PTN: variants seen among roughly 807,000 people sequenced by gnomAD.
The protein encoded by PTN is pleiotrophin.
A neutral mutation model predicts 24.1 loss-of-function variants in PTN; 18 were observed. The ratio of observed to expected loss-of-function variants is 0.75; its 90% CI spans 0.52 to 1.11. The LOEUF (loss-of-function observed/expected upper bound fraction) is 1.11. PTN is among the 50% of genes least tolerant of loss of function. PTN has a pLI of 0.00. For synonymous variants in PTN, 78 were observed against 68.6 expected (o/e 1.14, Z -0.67); for missense variants, 163 against 198.8 (o/e 0.82, Z 1.08).
intron 3 of PTN, among the ~76,000 whole-genome samples, chr7:137,251,842 T>C (rs1432990606): frequency 6.6e-6 from 1 of 151,924 alleles, no homozygotes; most frequent in Non-Finnish European, 1.5e-5. Flanking sequence ...TGAAGATCCA[T>C]CCAAGTCATG....
At chr7:137,324,433 A>AAAAAAAAAAAAAAAAAAAATATATAT in intron 1 of PTN, among the ~76,000 whole-genome samples, 5 of 88,804 alleles carry the variant, frequency 5.6e-5, no homozygotes, top group African/African-American at 3.5e-4. Flanking sequence ...AAAAAAAAAA[A>AAAAAAAAAAAAAAAAAAAATATATAT]ATATATATAT....
At chr7:137,230,952 C>G (rs890824596) in intron 4 of PTN, among the ~76,000 whole-genome samples, 1 of 151,830 alleles carries the variant, frequency 6.6e-6, no homozygotes. Flanking sequence ...CTCTTCATTT[C>G]ATCAACCCCA....
intron 1 of PTN, among the ~76,000 whole-genome samples, chr7:137,325,095 G>A (rs932854692): frequency 1.3e-5 from 2 of 152,084 alleles, no homozygotes; most frequent in African/African-American, 4.8e-5. Context: ...TACCCTCCCA[G>A]GCCCCAAATT....
chr7:137,334,726 A>G (rs1810417747), intron 1 of PTN, among the ~76,000 whole-genome samples: 1 of 150,250 alleles, frequency 6.7e-6, no homozygotes, highest in African/African-American at 2.4e-5. Context: ...TCATGCTGCT[A>G]TAAAGACACA....
Position 137,335,200 on chromosome 7 carries a change from A to T in PTN, c.-2+8239T>A, listed in dbSNP as rs548644353. On this transcript the variant is annotated intron_variant, in intron 1 of 4. Coordinates refer to ENST00000348225, the MANE Select transcript of PTN (RefSeq NM_002825.7). ...CTAAAACTTAAAGTATAATAATAAT[A>T]AAAAAAAAAGAATGAAGTTTTCTAA... Among the ~76,000 whole-genome samples the T allele has an allele frequency of 3.5e-5, 5 of 143,688 alleles. No individual in the cohort carries two copies. The South Asian group carries it at 8.6e-4, about 25-fold the overall frequency. The allele number at this position is 143,688 out of a possible 152,430, so 94.3% of individuals were successfully genotyped here.
intron 1 of PTN, among the ~76,000 whole-genome samples, chr7:137,263,494 T>C (rs1339904330): frequency 6.6e-6 from 1 of 152,160 alleles, no homozygotes; most frequent in Non-Finnish European, 1.5e-5. Flanking sequence ...CGGGCCAGAA[T>C]AGTCAAGGCT....
intron 1 of PTN, among the ~76,000 whole-genome samples, chr7:137,259,303 AG>A (rs1808991282): frequency 6.6e-6 from 1 of 152,096 alleles, no homozygotes; most frequent in Non-Finnish European, 1.5e-5. Context: ...ATACAGGGAA[AG>A]GATGCTGGAA....
intron 1 of PTN, among the ~76,000 whole-genome samples, chr7:137,267,314 TTTTCTCTCTTTCCTCTC>T (rs1319449944): frequency 1.3e-5 from 1 of 76,334 alleles, no homozygotes; most frequent in Non-Finnish European, 2.6e-5. Context: ...CTTTGCCTCT[TTTTCTCTCTTTCCTCTC>T]TTTCTCTCTG....
intron 4 of PTN, among the ~76,000 whole-genome samples, chr7:137,238,520 C>T (rs568446070): frequency 1.1e-4 from 16 of 152,220 alleles, no homozygotes; most frequent in East Asian, 5.8e-4. Context: ...TATGCTTATA[C>T]GAATGTTTAG....
At chr7:137,295,865 C>T (rs2128877838) in intron 1 of PTN, among the ~76,000 whole-genome samples, 1 of 151,984 alleles carries the variant, frequency 6.6e-6, no homozygotes, top group Non-Finnish European at 1.5e-5. Flanking sequence ...GATAAAGAAA[C>T]TTGAACCTAG....
chr7:137,326,797 T>G (rs1810269307), intron 1 of PTN: 1 of 152,152 alleles, frequency 6.6e-6, no homozygotes, highest in Non-Finnish European at 1.5e-5. Context: ...GAAATTTCAC[T>G]GATTAGCTAT....
At chr7:137,238,199 C>T (rs1563195545) in intron 4 of PTN, among the ~76,000 whole-genome samples, 1 of 152,084 alleles carries the variant, frequency 6.6e-6, no homozygotes, top group Non-Finnish European at 1.5e-5. Flanking sequence ...GCCAAGTGTC[C>T]CCACCAGCAG....
At chr7:137,301,174 A>G (rs77925462) in intron 1 of PTN, among the ~76,000 whole-genome samples, 23,476 of 151,874 alleles carry the variant, frequency 0.15, 2,001 homozygotes, top group South Asian at 0.25. Context: ...TCAGAATGAA[A>G]AATAAAATAG....
intron 1 of PTN, among the ~76,000 whole-genome samples, chr7:137,313,389 AG>A (rs1303812133): frequency 1.3e-5 from 2 of 152,178 alleles, no homozygotes; most frequent in Non-Finnish European, 2.9e-5. Context: ...CTGAGTCATG[AG>A]GGGACACAGG....
intron 1 of PTN, among the ~76,000 whole-genome samples, chr7:137,290,845 A>G (rs1013389769): frequency 4.0e-5 from 6 of 151,862 alleles, no homozygotes; most frequent in African/African-American, 1.5e-4. Flanking sequence ...TTCTCTTCCA[A>G]TTAAAAAAAA....
chr7:137,263,017 T>C, intron 1 of PTN, among the ~76,000 whole-genome samples: 1 of 152,306 alleles, frequency 6.6e-6, no homozygotes, highest in African/African-American at 2.4e-5. Context: ...TTCGAGACTC[T>C]CACTTTTTAT....
At chr7:137,295,216 G>C (rs1226665511) in intron 1 of PTN, among the ~76,000 whole-genome samples, 1 of 152,104 alleles carries the variant, frequency 6.6e-6, no homozygotes, top group South Asian at 2.1e-4. Context: ...ATTACACATA[G>C]AACAATGAAT....
At chr7:137,244,697 C>T (rs1448047394) in intron 4 of PTN, among the ~76,000 whole-genome samples, 1 of 151,674 alleles carries the variant, frequency 6.6e-6, no homozygotes, top group East Asian at 1.9e-4. Flanking sequence ...GGGATTCCAA[C>T]CCAAGAGAAT....
At chr7:137,264,801 CT>C (rs2128873233) in intron 1 of PTN, among the ~76,000 whole-genome samples, 1 of 152,254 alleles carries the variant, frequency 6.6e-6, no homozygotes, top group Admixed American at 6.5e-5. Context: ...CATGGGGGGA[CT>C]TTAGGTTTTG....
Sources: allele counts gnomAD v4.1 joint callset (sites outside exome capture counted in the v4.1 genomes callset), GRCh38; gene constraint gnomAD v4.1.1; transcripts MANE v1.5; gene names NCBI Gene and HGNC (gene_info 2026-07-23, HGNC 2026-07-21).